Variants in MIGA1 observed in about 807,000 individuals in gnomAD.
MIGA1 encodes mitoguardin 1.
In MIGA1, 58 loss-of-function variants were observed where a neutral mutation model predicts 82.0. That is an observed-to-expected ratio of 0.71 (90% CI 0.57 to 0.88). MIGA1 has a LOEUF of 0.88. Among genes scored for constraint, MIGA1 ranks in the 40% least tolerant of loss-of-function variants. The pLI is 0.00. For missense variants in MIGA1, 751 were observed against 749.1 expected, an observed-to-expected ratio of 1.00 and a Z score of -0.03; for synonymous variants, 249 against 253.6, an observed-to-expected ratio of 0.98 and a Z score of 0.17.
intron 7 of MIGA1, among the ~76,000 whole-genome samples, chr1:77,825,021 C>T (rs1481584627): frequency 9.8e-5 from 12 of 122,832 alleles, no homozygotes; most frequent in Admixed American, 3.4e-4. Context: ...TAGGGCCTTG[C>T]TCTGATGCCC....
At chr1:77,872,639 C>G (rs1646855806) in intron 14 of MIGA1, among the ~76,000 whole-genome samples, 1 of 152,154 alleles carries the variant, frequency 6.6e-6, no homozygotes, top group Admixed American at 6.5e-5. Context: ...TGTCTCAGCA[C>G]ATATGAAACT....
At chr1:77,869,059 C>G (rs2101968596) in intron 14 of MIGA1, among the ~76,000 whole-genome samples, 1 of 151,456 alleles carries the variant, frequency 6.6e-6, no homozygotes, top group Non-Finnish European at 1.5e-5. Context: ...GAACAAAGGT[C>G]TCTGGTTTTC....
At chr1:77,868,528 A>G (rs999350448) in intron 14 of MIGA1, 1 of 152,204 alleles carries the variant, frequency 6.6e-6, no homozygotes, top group Admixed American at 6.5e-5. Flanking sequence ...CGCCCAACCT[A>G]TAACTTTCTA....
rs766661390 is a variant in MIGA1, at chr1:77,815,098, C to T, written c.772-10C>T. 4 of 1,504,688 alleles carry T rather than the reference C, an allele frequency of 2.7e-6. No homozygotes were observed. The highest frequency in any genetic ancestry group is 3.6e-6 in the Non-Finnish European group (4 of 1,117,694). 93.2% of individuals were successfully genotyped at this position (1,504,688 alleles called of 1,614,324 possible). A position where few individuals can be genotyped will look rare whatever the true frequency, so the allele number is the denominator to read the frequency against. ...TTAATTTGTTCTGTGTACTTTTTCTCTCCTTGTAGGATATTATTAGTACTG... is the reference window on the plus strand; with the variant it reads ...TTAATTTGTTCTGTGTACTTTTTCTTTCCTTGTAGGATATTATTAGTACTG... On this transcript the variant is annotated splice_polypyrimidine_tract_variant and intron_variant, in intron 6 of 15. Transcript: ENST00000370791.
intron 13 of MIGA1, among the ~76,000 whole-genome samples, chr1:77,866,037 C>T (rs577164173): frequency 9.2e-5 from 14 of 152,166 alleles, no homozygotes; most frequent in African/African-American, 3.1e-4. Context: ...CTCAGCCTCC[C>T]GAGTATCTGG....
At chr1:77,837,942 A>G (rs943110695) in intron 7 of MIGA1, among the ~76,000 whole-genome samples, 3 of 152,208 alleles carry the variant, frequency 2.0e-5, no homozygotes, top group Non-Finnish European at 2.9e-5. Flanking sequence ...GCATCATTAT[A>G]TATGCTTTCT....
At chr1:77,847,782 T>C in intron 8 of MIGA1, 1 of 1,594,520 alleles carries the variant, frequency 6.3e-7, no homozygotes, top group African/African-American at 1.3e-5. Flanking sequence ...ATCAAGGGGC[T>C]ACTCTGATGA....
intron 7 of MIGA1, among the ~76,000 whole-genome samples, chr1:77,837,299 T>C (rs1684469322): frequency 6.6e-6 from 1 of 152,208 alleles, no homozygotes; most frequent in African/African-American, 2.4e-5. Context: ...GAATCTATTA[T>C]GTATTTTATA....
intron 7 of MIGA1, among the ~76,000 whole-genome samples, chr1:77,818,521 CAAACA>C: frequency 6.6e-6 from 1 of 152,232 alleles, no homozygotes. Flanking sequence ...TACATGGTAA[CAAACA>C]ATAGTGGCTA....
At chr1:77,830,342 G>A (rs889266673) in intron 7 of MIGA1, among the ~76,000 whole-genome samples, 9 of 151,762 alleles carry the variant, frequency 5.9e-5, no homozygotes, top group African/African-American at 1.9e-4. Context: ...CAGTTTCATT[G>A]TCATTATAAG....
At chr1:77,803,142 C>G in intron 3 of MIGA1, 128 bp from the exon 4 acceptor site, 1 of 434,506 alleles carries the variant, frequency 2.3e-6, no homozygotes, top group Non-Finnish European at 3.9e-6. Flanking sequence ...ATAATTTACA[C>G]AAGTGAGTGA....
At chr1:77,834,135 T>C (rs932790196) in intron 7 of MIGA1, among the ~76,000 whole-genome samples, 1 of 152,236 alleles carries the variant, frequency 6.6e-6, no homozygotes, top group Non-Finnish European at 1.5e-5. Context: ...TCTCCTTTTT[T>C]CTTTTTTTTT....
At chr1:77,810,886 A>T in intron 5 of MIGA1, 1 of 1,611,662 alleles carries the variant, frequency 6.2e-7, no homozygotes, top group Non-Finnish European at 8.5e-7. Flanking sequence ...AGTTTGATGT[A>T]GATGAAGATA....
chr1:77,861,626 A>T, intron 12 of MIGA1: 1 of 281,876 alleles, frequency 3.5e-6, no homozygotes, highest in Non-Finnish European at 6.7e-6. Flanking sequence ...GCAGGACAGG[A>T]ATGGTGGCCC....
At chr1:77,853,130 A>T (rs1685116699) in intron 8 of MIGA1, among the ~76,000 whole-genome samples, 1 of 152,232 alleles carries the variant, frequency 6.6e-6, no homozygotes, top group African/African-American at 2.4e-5. Context: ...TAGCGTAGAC[A>T]TTCAAAAGTC....
At chr1:77,868,757 A>G (rs1398996070) in intron 14 of MIGA1, 1 of 152,104 alleles carries the variant, frequency 6.6e-6, no homozygotes, top group African/African-American at 2.4e-5. Flanking sequence ...ACTTTACTAT[A>G]TGTAGAACAT....
intron 3 of MIGA1, 58 bp downstream of exon 3, chr1:77,801,566 A>C: frequency 1.4e-6 from 2 of 1,447,664 alleles, no homozygotes; most frequent in Non-Finnish European, 1.8e-6. Flanking sequence ...ACTGGAATAC[A>C]GTGATTTTGG....
At chr1:77,838,894 C>G (rs1684527244) in intron 7 of MIGA1, among the ~76,000 whole-genome samples, 1 of 152,146 alleles carries the variant, frequency 6.6e-6, no homozygotes, top group African/African-American at 2.4e-5. Flanking sequence ...TTAGATTGAT[C>G]CATGTTACTG....
chr1:77,863,729 A>T (rs981047033), intron 12 of MIGA1, among the ~76,000 whole-genome samples, 165 bp from the exon 13 acceptor site: 1 of 152,162 alleles, frequency 6.6e-6, no homozygotes, highest in Non-Finnish European at 1.5e-5. Context: ...TGAATTCGTA[A>T]TTTCTAGTGG....
Sources: gnomAD v4.1 joint callset for allele counts (sites outside exome capture counted in the v4.1 genomes callset) on GRCh38, gnomAD v4.1.1 for gene constraint, MANE v1.5 for transcripts, NCBI Gene and HGNC (gene_info 2026-07-23, HGNC 2026-07-21) for gene names.